The following DYDC1 variants were observed in gnomAD, a reference collection of about 807,000 sequenced individuals.
DYDC1 encodes the protein DPY30 domain-containing protein 1.
In DYDC1, 21 loss-of-function variants were observed where a neutral mutation model predicts 27.9. The ratio of observed to expected loss-of-function variants is 0.75; its 90% CI spans 0.53 to 1.08. DYDC1 has a LOEUF of 1.08. Ranked by LOEUF, DYDC1 falls within the 50% of genes least tolerant of loss-of-function variation. The probability of loss-of-function intolerance (pLI) is 0.00; values close to 1 mark genes in which losing one functional copy is unlikely to be tolerated. For missense variants in DYDC1, 202 were observed against 205.9 expected (o/e 0.98, Z 0.12); for synonymous variants, 67 against 65.8 (o/e 1.02, Z -0.09).
At chr10:80,339,028 A>C in intron 5 of DYDC1, 69 bp downstream of exon 5, 1 of 886,140 alleles carries the variant, frequency 1.1e-6, no homozygotes, top group Non-Finnish European at 1.7e-6. Context: ...CTTATGCATC[A>C]AAATTAAGCT....
At chr10:80,355,447 T>A (rs748166893) in intron 1 of DYDC1, among the ~76,000 whole-genome samples, 8 of 152,098 alleles carry the variant, frequency 5.3e-5, no homozygotes, top group Non-Finnish European at 1.2e-4. Context: ...AAATCACATA[T>A]GCATTCACCC....
At chr10:80,347,720 C>T (rs138999805) in intron 3 of DYDC1, among the ~76,000 whole-genome samples, 54 of 152,210 alleles carry the variant, frequency 3.5e-4, no homozygotes, top group Non-Finnish European at 7.2e-4. Flanking sequence ...ATCCTTTTCC[C>T]TTTGTGTTTT....
intron 4 of DYDC1, among the ~76,000 whole-genome samples, chr10:80,339,557 G>T (rs1485014340): frequency 6.6e-6 from 1 of 152,030 alleles, no homozygotes; most frequent in Admixed American, 6.6e-5. Flanking sequence ...CACTTCTACA[G>T]GAACTAATCT....
chr10:80,336,484 C>T, intron 6 of DYDC1: 1 of 383,730 alleles, frequency 2.6e-6, no homozygotes, highest in Middle Eastern at 1.2e-3. Flanking sequence ...CTCCCTGAGC[C>T]CCCAGGCCTT....
chr10:80,338,540 G>A lies in DYDC1; in HGVS notation c.431C>T (p.Ala144Val), dbSNP rs1401462970. 11 of 1,608,844 alleles carry A rather than the reference G, an allele frequency of 6.8e-6. No individual in the cohort carries two copies. Among genetic ancestry groups the A allele is most frequent in the Non-Finnish European group, 9.3e-6 (11 of 1,178,172 alleles). ...EATLDSGKTL[A>V]EISDRYGAPN... is the part of the protein sequence containing the mutation. ...TGCTCCATAACGATCGCTGATTTCA[G>A]CTAGTGTTTTGCCTGAGTCTAGTGT... The change falls in exon 6 of 7, where the codon GCT (alanine) becomes GTT (valine). Residue 144 changes from alanine to valine, a missense_variant. Coordinates refer to ENST00000372202, the MANE Select transcript of DYDC1 (RefSeq NM_001269053.2).
chr10:80,349,004 C>T (rs2132813439), intron 3 of DYDC1, among the ~76,000 whole-genome samples: 1 of 152,234 alleles, frequency 6.6e-6, no homozygotes, highest in East Asian at 1.9e-4. Flanking sequence ...CCATTCTTCC[C>T]CCTCAGTCTC....
At position 80,337,257 on chromosome 10, in the gene DYDC1, A is replaced by C. The variant is rs1210161763; in HGVS notation, c.505-1072T>G. 22 of 985,264 alleles carry C rather than the reference A, an allele frequency of 2.2e-5. No homozygotes were observed. The Admixed American group carries it at 9.2e-4, about 41-fold the overall frequency. 61.0% of individuals were successfully genotyped at this position (985,264 alleles called of 1,614,324 possible). The stretch of plus-strand genomic sequence containing the variant: ...CTCAAAGAAGCTTCCCCATTGGCCC[A>C]CGGCCCCCAAGGGCAGAAGCCCAAT... On this transcript the variant is annotated intron_variant, in intron 6 of 6. Coordinates refer to ENST00000372202, the MANE Select transcript of DYDC1 (RefSeq NM_001269053.2).
intron 4 of DYDC1, among the ~76,000 whole-genome samples, chr10:80,341,770 A>C (rs1261705295): frequency 6.6e-6 from 1 of 152,182 alleles, no homozygotes; most frequent in East Asian, 1.9e-4. Flanking sequence ...CATGCCTGTA[A>C]TCCCAGCACT....
intron 3 of DYDC1, among the ~76,000 whole-genome samples, chr10:80,346,918 T>C: frequency 6.6e-6 from 1 of 150,588 alleles, no homozygotes; most frequent in Non-Finnish European, 1.5e-5. Context: ...CTACTAAAAA[T>C]ACAAAAAAAA....
At chr10:80,342,980 C>CAA (rs55665661) in intron 3 of DYDC1, among the ~76,000 whole-genome samples, 17,404 of 93,548 alleles carry the variant, frequency 0.19, 1,737 homozygotes, top group East Asian at 0.48. Flanking sequence ...GACTCCCTCT[C>CAA]AAAAAAAAAA....
chr10:80,352,558 G>A lies in DYDC1; in HGVS notation c.44C>T (p.Thr15Ile), dbSNP rs771350208. ...YLQKHLGACLTQGLAEVARVR... is the reference protein window; with the variant it reads ...YLQKHLGACLIQGLAEVARVR... The stretch of plus-strand genomic sequence containing the variant: ...TCTTGCCACTTCTGCAAGACCTTGA[G>A]TTAAACAGGCCCCAAGGTGCTTTTG... Residue 15 changes from threonine to isoleucine, a missense_variant, in exon 2 of 7, where the codon ACT becomes ATT. Physicochemically the swap from Thr to Ile is moderately conservative, Grantham distance 89. Transcript: ENST00000372202. The A allele has an allele frequency of 6.2e-7, 1 of 1,613,462 alleles. No individual in the cohort carries two copies. Among genetic ancestry groups the A allele is most frequent in the Non-Finnish European group, 8.5e-7 (1 of 1,179,790 alleles).
intron 3 of DYDC1, among the ~76,000 whole-genome samples, chr10:80,350,098 T>G (rs952161306): frequency 2.6e-5 from 4 of 152,160 alleles, no homozygotes; most frequent in African/African-American, 9.7e-5. Context: ...TGTTGATCGA[T>G]CTCTCCTATC....
At chr10:80,350,666 T>C (rs1461166555) in intron 3 of DYDC1, among the ~76,000 whole-genome samples, 1 of 152,242 alleles carries the variant, frequency 6.6e-6, no homozygotes, top group African/African-American at 2.4e-5. Context: ...GTCTATATTT[T>C]TCTTTCTATC....
At chr10:80,342,980 C>CA (rs55665661) in intron 3 of DYDC1, among the ~76,000 whole-genome samples, 27,150 of 93,688 alleles carry the variant, frequency 0.29, 4,804 homozygotes, top group African/African-American at 0.53. Context: ...GACTCCCTCT[C>CA]AAAAAAAAAA....
chr10:80,338,636 A>T, intron 5 of DYDC1, 65 bp from the exon 6 acceptor site: 1 of 1,402,954 alleles, frequency 7.1e-7, no homozygotes, highest in Non-Finnish European at 9.3e-7. Context: ...CTTTTCTTTC[A>T]ATTTTGATTA....
intron 3 of DYDC1, 126 bp downstream of exon 3, chr10:80,351,775 G>A: frequency 1.2e-6 from 1 of 815,968 alleles, no homozygotes; most frequent in South Asian, 1.8e-5. Flanking sequence ...CATCCATAAA[G>A]ATGAAGATAT....
intron 4 of DYDC1, among the ~76,000 whole-genome samples, chr10:80,341,442 CAA>C (rs58419721): frequency 2.1e-5 from 1 of 46,798 alleles, no homozygotes; most frequent in African/African-American, 8.4e-5. Context: ...GACTCTGTCT[CAA>C]AAAAAAAAAA....
At chr10:80,349,264 A>G (rs1259065012) in intron 3 of DYDC1, among the ~76,000 whole-genome samples, 3 of 152,260 alleles carry the variant, frequency 2.0e-5, no homozygotes, top group Admixed American at 2.0e-4. Context: ...GTGAAATGTT[A>G]TCTTTTAAAA....
Position 80,354,050 on chromosome 10 carries a change from A to G in DYDC1, c.-9-1440T>C, listed in dbSNP as rs1377611326. Among the ~76,000 whole-genome samples the G allele has an allele frequency of 3.3e-5, 5 of 151,394 alleles. 1 individual carries two copies. On this transcript the variant is annotated intron_variant, in intron 1 of 6. Transcript: ENST00000372202. ...AGAATGGGGTGAACCTGGGAGGCGG[A>G]GCTTGCAGTGAGCCAAGATCGTGCC... is the stretch of plus-strand genomic sequence containing the variant.
Sources: gnomAD v4.1 joint callset for allele counts (sites outside exome capture counted in the v4.1 genomes callset) on GRCh38, gnomAD v4.1.1 for gene constraint, MANE v1.5 for transcripts, NCBI Gene and HGNC (gene_info 2026-07-23, HGNC 2026-07-21) for gene names.